Variants in TCF7L2 observed in about 807,000 individuals in gnomAD.
TCF7L2 encodes the protein transcription factor 7 like 2.
In TCF7L2, 23 loss-of-function variants were observed where a neutral mutation model predicts 77.9. That is an observed-to-expected ratio of 0.30 (90% CI 0.21 to 0.42). The LOEUF (loss-of-function observed/expected upper bound fraction) is 0.42, where lower values mean the gene tolerates loss of function less well. TCF7L2 is among the 10% of genes least tolerant of loss of function. The pLI is 1.00. For missense variants in TCF7L2, 654 were observed against 793.1 expected (o/e 0.82, Z 2.11); for synonymous variants, 413 against 340.2 (o/e 1.21, Z -2.36).
intron 4 of TCF7L2, among the ~76,000 whole-genome samples, chr10:112,996,783 C>T (rs986078680): frequency 3.9e-5 from 6 of 152,142 alleles, no homozygotes; most frequent in Non-Finnish European, 7.3e-5. Context: ...AGTCATGGTT[C>T]GTTAAAAGGC....
chr10:113,160,793 C>A, intron 13 of TCF7L2: 1 of 1,113,858 alleles, frequency 9.0e-7, no homozygotes, highest in South Asian at 1.6e-5. Flanking sequence ...TCTACTTCCC[C>A]TCTGGCATCA....
intron 4 of TCF7L2, among the ~76,000 whole-genome samples, chr10:112,975,285 C>A (rs1050854782): frequency 6.6e-6 from 1 of 152,176 alleles, no homozygotes; most frequent in Non-Finnish European, 1.5e-5. Flanking sequence ...CTTGGTTATA[C>A]CACATTCCAC....
chr10:113,059,093 A>G (rs1421914724), intron 5 of TCF7L2, among the ~76,000 whole-genome samples: 4 of 152,178 alleles, frequency 2.6e-5, no homozygotes, highest in African/African-American at 9.7e-5. Flanking sequence ...TTAGGGCCAT[A>G]ACTCAGACAA....
intron 5 of TCF7L2, among the ~76,000 whole-genome samples, chr10:113,073,099 C>CGTGTGTGTGTGTGTGTGTGTGT (rs71489997): frequency 1.7e-4 from 18 of 103,956 alleles, no homozygotes; most frequent in African/African-American, 7.8e-4. Flanking sequence ...AGGGCCAGGT[C>CGTGTGTGTGTGTGTGTGTGTGT]GTGTGTGTGT....
At chr10:113,015,848 G>A (rs749911333) in intron 4 of TCF7L2, among the ~76,000 whole-genome samples, 4 of 152,138 alleles carry the variant, frequency 2.6e-5, no homozygotes, top group Admixed American at 2.0e-4. Context: ...AATCAGTAAC[G>A]TAACGTGTGC....
At chr10:113,129,417 C>T in intron 5 of TCF7L2, 1 of 1,002,698 alleles carries the variant, frequency 1.0e-6, no homozygotes, top group Non-Finnish European at 1.2e-6. Context: ...CCTGAGCTGG[C>T]TGGGGAACAT....
At chr10:112,964,809 T>TGG (rs1476350639) in intron 4 of TCF7L2, among the ~76,000 whole-genome samples, 185 bp downstream of exon 4, 5 of 28,588 alleles carry the variant, frequency 1.7e-4, no homozygotes, top group East Asian at 1.4e-3. Flanking sequence ...GTGGTGGTGG[T>TGG]GGTGGGGGGG....
intron 5 of TCF7L2, among the ~76,000 whole-genome samples, chr10:113,104,705 CT>C (rs2062062681): frequency 6.6e-6 from 1 of 152,144 alleles, no homozygotes; most frequent in Non-Finnish European, 1.5e-5. Context: ...AGCTCTACAC[CT>C]GGATGTTTAC....
chr10:113,156,538 C>A (rs2071934297), intron 11 of TCF7L2, among the ~76,000 whole-genome samples: 1 of 152,212 alleles, frequency 6.6e-6, no homozygotes, highest in Non-Finnish European at 1.5e-5. Flanking sequence ...AAGACCATTT[C>A]ATTTCAATGT....
intron 5 of TCF7L2, among the ~76,000 whole-genome samples, chr10:113,056,807 G>A (rs537401181): frequency 5.7e-4 from 87 of 152,262 alleles, no homozygotes; most frequent in African/African-American, 2.1e-3. Flanking sequence ...TTTGCCACTT[G>A]GAAAAGCGTC....
intron 5 of TCF7L2, among the ~76,000 whole-genome samples, chr10:113,066,111 C>A (rs959237519): frequency 1.3e-5 from 2 of 152,028 alleles, no homozygotes; most frequent in African/African-American, 4.8e-5. Flanking sequence ...GCCTGTAATC[C>A]CAGCACTTTG....
At chr10:113,044,985 A>C (rs934139728) in intron 5 of TCF7L2, among the ~76,000 whole-genome samples, 3 of 152,144 alleles carry the variant, frequency 2.0e-5, no homozygotes, top group Non-Finnish European at 4.4e-5. Context: ...AGGAAACAGC[A>C]GCGGAACTTG....
chr10:113,160,058 C>A, intron 12 of TCF7L2, 66 bp downstream of exon 14: 2 of 1,445,154 alleles, frequency 1.4e-6, no homozygotes, highest in Non-Finnish European at 1.9e-6. Context: ...TCTCCCCCTT[C>A]TCTGGCCTGT....
chr10:112,992,007 A>G (rs1026111063), intron 4 of TCF7L2, among the ~76,000 whole-genome samples: 3 of 152,142 alleles, frequency 2.0e-5, no homozygotes, highest in African/African-American at 7.2e-5. Flanking sequence ...TTTTCTATTT[A>G]TTTAGAAGTA....
chr10:113,077,702 C>CT (rs34093384), intron 5 of TCF7L2, among the ~76,000 whole-genome samples: 36,619 of 133,962 alleles, frequency 0.27, 5,970 homozygotes, highest in East Asian at 0.71. Context: ...TTCTTTTCTT[C>CT]TTTTTTTTTT....
At chr10:113,031,942 T>C (rs556160655) in intron 4 of TCF7L2, among the ~76,000 whole-genome samples, 5 of 152,312 alleles carry the variant, frequency 3.3e-5, no homozygotes, top group South Asian at 4.1e-4. Context: ...AATCCATGCA[T>C]TGGAGTAGAA....
intron 4 of TCF7L2, among the ~76,000 whole-genome samples, chr10:113,022,429 TG>T: frequency 6.6e-6 from 1 of 152,194 alleles, no homozygotes; most frequent in East Asian, 1.9e-4. Context: ...TCCGTGTGCC[TG>T]GGAGGAGCCC....
chr10:113,074,124 C>T (rs2058436614), intron 5 of TCF7L2, among the ~76,000 whole-genome samples: 1 of 152,128 alleles, frequency 6.6e-6, no homozygotes, highest in Non-Finnish European at 1.5e-5. Flanking sequence ...GAAGCTGGCA[C>T]CTTTCTTCCT....
intron 4 of TCF7L2, among the ~76,000 whole-genome samples, chr10:113,010,533 C>T (rs2046285209): frequency 6.6e-6 from 1 of 152,186 alleles, no homozygotes; most frequent in Non-Finnish European, 1.5e-5. Context: ...TCTCAATTCT[C>T]ACACTGTTAA....
Sources: allele counts gnomAD v4.1 joint callset (sites outside exome capture counted in the v4.1 genomes callset), GRCh38; gene constraint gnomAD v4.1.1; transcripts MANE v1.5; gene names NCBI Gene and HGNC (gene_info 2026-07-23, HGNC 2026-07-21).